The following ITGA8 variants were observed in gnomAD, a reference collection of about 807,000 sequenced individuals.
ITGA8 encodes integrin alpha-8.
Under a neutral mutation model 142.3 loss-of-function variants are expected in ITGA8, and 91 were observed. The ratio of observed to expected loss-of-function variants is 0.64; its 90% CI spans 0.54 to 0.76. The LOEUF (loss-of-function observed/expected upper bound fraction) is 0.76. Ranked by LOEUF, ITGA8 falls within the 30% of genes least tolerant of loss-of-function variation. The pLI, the probability that ITGA8 is intolerant of heterozygous loss-of-function variation, is 0.00. For missense variants in ITGA8, 1,406 were observed against 1,327.7 expected (o/e 1.06, Z -0.92); for synonymous variants, 505 against 485.2 (o/e 1.04, Z -0.54).
At chr10:15,518,689 T>G (rs777377867) in intron 29 of ITGA8, among the ~76,000 whole-genome samples, 3 of 152,218 alleles carry the variant, frequency 2.0e-5, no homozygotes, top group Non-Finnish European at 4.4e-5. Flanking sequence ...TAATTCCTGT[T>G]GTGGACTTTT....
intron 2 of ITGA8, among the ~76,000 whole-genome samples, chr10:15,715,380 A>G (rs547293822): frequency 5.9e-5 from 9 of 152,160 alleles, no homozygotes; most frequent in Non-Finnish European, 1.2e-4. Flanking sequence ...TAGCCTTCCA[A>G]AGCTCCTTGG....
intron 2 of ITGA8, among the ~76,000 whole-genome samples, chr10:15,709,581 A>G (rs1835327153): frequency 1.3e-5 from 2 of 152,208 alleles, no homozygotes; most frequent in Non-Finnish European, 1.5e-5. Context: ...TGCCTTCCAT[A>G]TTTTAAGGTC....
At chr10:15,673,019 C>G (rs779765225) in intron 6 of ITGA8, among the ~76,000 whole-genome samples, 14 of 152,138 alleles carry the variant, frequency 9.2e-5, no homozygotes, top group Non-Finnish European at 1.6e-4. Flanking sequence ...ATAAAAGTAT[C>G]CAAGAGTGGA....
At chr10:15,558,246 C>A (rs781029235) in intron 25 of ITGA8, 44 bp from the exon 26 acceptor site, 1 of 1,606,974 alleles carries the variant, frequency 6.2e-7, no homozygotes, top group East Asian at 2.2e-5. Context: ...AACACATGAA[C>A]AGTTGCTACA....
At chr10:15,636,440 C>A (rs1393544912) in intron 13 of ITGA8, among the ~76,000 whole-genome samples, 1 of 152,152 alleles carries the variant, frequency 6.6e-6, no homozygotes, top group Non-Finnish European at 1.5e-5. Context: ...GTGCCAGTGA[C>A]AATATTTGTT....
intron 10 of ITGA8, among the ~76,000 whole-genome samples, chr10:15,657,671 G>A (rs939247796): frequency 3.9e-5 from 6 of 151,936 alleles, no homozygotes; most frequent in Non-Finnish European, 5.9e-5. Flanking sequence ...TGGTGCTTCC[G>A]TCTAAAGGAA....
rs1832919175 is a variant in ITGA8, at chr10:15,514,021, C to T, written c.*3137G>A. ...ATGAAAATCTTCACAGATATCTACG[C>T]ACGTATTTAAATAAAACAAGAGTCG... On this transcript the variant is annotated 3_prime_UTR_variant, in exon 30 of 30. Coordinates refer to ENST00000378076, the MANE Select transcript of ITGA8 (RefSeq NM_003638.3). The T allele has an allele frequency of 6.6e-6, 1 of 152,102 alleles. No individual in the cohort carries two copies. Among genetic ancestry groups the T allele is most frequent in the Non-Finnish European group, 1.5e-5 (1 of 68,032 alleles). 9.4% of individuals were successfully genotyped at this position (152,102 alleles called of 1,614,324 possible).
intron 21 of ITGA8, among the ~76,000 whole-genome samples, chr10:15,594,130 G>T (rs1053884928): frequency 7.9e-5 from 12 of 151,954 alleles, no homozygotes; most frequent in African/African-American, 2.9e-4. Flanking sequence ...GTGAGCCAAA[G>T]GGCCCGGCCG....
chr10:15,577,900 T>C (rs556419168), intron 23 of ITGA8, among the ~76,000 whole-genome samples: 1 of 152,256 alleles, frequency 6.6e-6, no homozygotes, highest in East Asian at 1.9e-4. Context: ...CTGTTAATGG[T>C]AACAATAAAC....
intron 28 of ITGA8, among the ~76,000 whole-genome samples, chr10:15,525,863 T>C: frequency 6.6e-6 from 1 of 152,114 alleles, no homozygotes. Context: ...ATACTAATAA[T>C]TTACATTTTT....
intron 8 of ITGA8, among the ~76,000 whole-genome samples, chr10:15,662,410 C>T (rs1380777782): frequency 7.4e-6 from 1 of 135,442 alleles, no homozygotes; most frequent in African/African-American, 2.8e-5. Flanking sequence ...ATCATCATGG[C>T]TCACTGCAGC....
In ITGA8 at chr10:15,663,991, T is replaced by C. The variant is rs1425705051; in HGVS notation, c.848-3069A>G. 2.6e-5 allele frequency among the ~76,000 whole-genome samples: 4 copies of C among 152,222 alleles called. No homozygotes were observed. In the South Asian group the frequency reaches 8.3e-4, roughly 31 times the overall value. On this transcript the variant is annotated intron_variant, in intron 8 of 29. Coordinates refer to ENST00000378076, the MANE Select transcript of ITGA8 (RefSeq NM_003638.3). ...TTTTTTCAAGGCGCTAGTTACTCAA[T>C]ACTATCTTTGGTTCCTAATTCAGTG...
chr10:15,549,696 T>G (rs1238395682), intron 26 of ITGA8, among the ~76,000 whole-genome samples: 2 of 152,214 alleles, frequency 1.3e-5, no homozygotes, highest in Non-Finnish European at 2.9e-5. Context: ...CTGTGAGTAC[T>G]CAATAAAAAT....
intron 24 of ITGA8, among the ~76,000 whole-genome samples, chr10:15,574,211 A>G (rs899203061): frequency 6.6e-6 from 1 of 152,228 alleles, no homozygotes; most frequent in East Asian, 1.9e-4. Context: ...AATGCCTGAA[A>G]TGGGAAAAGA....
chr10:15,559,622 G>T (rs1033485235), intron 25 of ITGA8, among the ~76,000 whole-genome samples: 1 of 152,084 alleles, frequency 6.6e-6, no homozygotes, highest in African/African-American at 2.4e-5. Flanking sequence ...AGTAAGGAAG[G>T]GTGAAGACCT....
chr10:15,570,485 C>T (rs1834159614), intron 25 of ITGA8, among the ~76,000 whole-genome samples: 1 of 151,912 alleles, frequency 6.6e-6, no homozygotes, highest in Non-Finnish European at 1.5e-5. Flanking sequence ...TGGTACACGC[C>T]TGTAATCCCA....
chr10:15,561,261 A>C (rs1281216741), intron 25 of ITGA8, among the ~76,000 whole-genome samples: 1 of 146,358 alleles, frequency 6.8e-6, no homozygotes, highest in African/African-American at 2.5e-5. Flanking sequence ...ATATGTATGT[A>C]AAATGTTTAT....
chr10:15,718,164 G>A (rs1307593147), intron 2 of ITGA8, among the ~76,000 whole-genome samples: 1 of 152,194 alleles, frequency 6.6e-6, no homozygotes, highest in Admixed American at 6.5e-5. Flanking sequence ...TGTTTAAAAT[G>A]TATTTTCCCT....
At chr10:15,525,923 C>T (rs1833165495) in intron 28 of ITGA8, among the ~76,000 whole-genome samples, 1 of 152,084 alleles carries the variant, frequency 6.6e-6, no homozygotes. Flanking sequence ...CAGCACATAA[C>T]AATTGCTAAA....
Sources: allele counts gnomAD v4.1 joint callset (sites outside exome capture counted in the v4.1 genomes callset), GRCh38; gene constraint gnomAD v4.1.1; transcripts MANE v1.5; gene names NCBI Gene and HGNC (gene_info 2026-07-23, HGNC 2026-07-21).